TAFA5: variants seen among roughly 807,000 people sequenced by gnomAD.
The protein encoded by TAFA5 is TAFA chemokine like family member 5.
Under a neutral mutation model 15.3 loss-of-function variants are expected in TAFA5, and 6 were observed. The ratio of observed to expected loss-of-function variants is 0.39; its 90% CI spans 0.21 to 0.77. The LOEUF is 0.77. Among genes scored for constraint, TAFA5 ranks in the 30% least tolerant of loss-of-function variants. The pLI is 0.41. For missense variants in TAFA5, 161 were observed against 193.1 expected, an observed-to-expected ratio of 0.83 and a Z score of 0.98; for synonymous variants, 103 against 80.7, an observed-to-expected ratio of 1.28 and a Z score of -1.48.
intron 1 of TAFA5, among the ~76,000 whole-genome samples, chr22:48,499,929 C>T (rs1920943464): frequency 6.6e-6 from 1 of 152,268 alleles, no homozygotes; most frequent in African/African-American, 2.4e-5. Context: ...ACCCGTGAGT[C>T]TGCCTGCAGC....
chr22:48,504,485 C>T (rs185160695), intron 1 of TAFA5, among the ~76,000 whole-genome samples: 8 of 152,218 alleles, frequency 5.3e-5, no homozygotes, highest in Non-Finnish European at 5.9e-5. Context: ...ACATTCTTTT[C>T]CTCCTGGGCA....
chr22:48,541,944 G>C (rs566594043), intron 1 of TAFA5, among the ~76,000 whole-genome samples: 1 of 152,306 alleles, frequency 6.6e-6, no homozygotes, highest in South Asian at 2.1e-4. Context: ...AGTGGAAGGA[G>C]CTCCAGGACG....
rs891477784 is a variant in TAFA5, at chr22:48,749,988, C to T, written c.*141C>T. On this transcript the variant is annotated 3_prime_UTR_variant, in exon 4 of 4. Coordinates refer to ENST00000402357, the MANE Select transcript of TAFA5 (RefSeq NM_001082967.3). ...CCGTTTCCCTGTGGTCCGTGAAGGA[C>T]GGCCTCAGGCCTTGGCATCCTGAGC... 11 of 829,116 alleles carry T rather than the reference C, an allele frequency of 1.3e-5. No homozygotes were observed. Among genetic ancestry groups the T allele is most frequent in the South Asian group, 6.3e-5 (4 of 63,570 alleles). 51.4% of individuals were successfully genotyped at this position (829,116 alleles called of 1,614,324 possible).
At chr22:48,592,377 G>A (rs1048298907) in intron 1 of TAFA5, among the ~76,000 whole-genome samples, 2 of 152,226 alleles carry the variant, frequency 1.3e-5, no homozygotes, top group Admixed American at 1.3e-4. Context: ...TGCCCTGCAC[G>A]CAGGATAAGC....
chr22:48,603,431 T>G (rs991415999), intron 1 of TAFA5, among the ~76,000 whole-genome samples: 1 of 152,190 alleles, frequency 6.6e-6, no homozygotes, highest in African/African-American at 2.4e-5. Context: ...CTGGGGACAG[T>G]GGTGCCGGGT....
intron 2 of TAFA5, among the ~76,000 whole-genome samples, chr22:48,670,261 T>C (rs893123149): frequency 3.3e-5 from 5 of 152,242 alleles, no homozygotes; most frequent in African/African-American, 9.6e-5. Flanking sequence ...GGTAAATAAT[T>C]GCAGTATTGG....
At chr22:48,746,191 G>A (rs1930323254) in intron 3 of TAFA5, among the ~76,000 whole-genome samples, 1 of 152,052 alleles carries the variant, frequency 6.6e-6, no homozygotes, top group Non-Finnish European at 1.5e-5. Context: ...GCCCTTCTCG[G>A]TGTTGTCTTT....
At chr22:48,696,164 A>G (rs1466357737) in intron 2 of TAFA5, among the ~76,000 whole-genome samples, 1 of 151,934 alleles carries the variant, frequency 6.6e-6, no homozygotes, top group Non-Finnish European at 1.5e-5. Flanking sequence ...CCACCCTCAG[A>G]CCCCTGCACA....
intron 3 of TAFA5, among the ~76,000 whole-genome samples, chr22:48,713,113 G>A (rs752199702): frequency 2.6e-5 from 4 of 152,200 alleles, no homozygotes; most frequent in African/African-American, 9.6e-5. Flanking sequence ...TTGCACATTC[G>A]CTATTGAGTA....
Position 48,707,956 on chromosome 22 carries a change from T to G in TAFA5, c.390+112T>G, listed in dbSNP as rs893251143. 20 of 1,406,428 alleles carry G rather than the reference T, an allele frequency of 1.4e-5. No individual in the cohort carries two copies. The African/African-American group carries it at 1.8e-4, about 13-fold the overall frequency. 87.1% of individuals were successfully genotyped at this position (1,406,428 alleles called of 1,614,324 possible). A position where few individuals can be genotyped will look rare whatever the true frequency, so the allele number is the denominator to read the frequency against. On this transcript the variant is annotated intron_variant, in intron 3 of 3. Coordinates refer to ENST00000402357, the MANE Select transcript of TAFA5 (RefSeq NM_001082967.3). ...CAGGTGGCAGCTGCTCACTCCATCC[T>G]CATGCAGAGAGGCCAGGGCCCTGTC... is the stretch of plus-strand genomic sequence containing the variant.
At chr22:48,604,136 A>G (rs1569043580) in intron 1 of TAFA5, among the ~76,000 whole-genome samples, 1 of 152,218 alleles carries the variant, frequency 6.6e-6, no homozygotes. Context: ...AAGGGATTGC[A>G]GCTCAGAAAG....
chr22:48,555,480 A>C (rs112543430), intron 1 of TAFA5, among the ~76,000 whole-genome samples: 3 of 152,156 alleles, frequency 2.0e-5, no homozygotes, highest in Admixed American at 6.5e-5. Context: ...CCTGACTCTC[A>C]CTCTGACAAC....
chr22:48,649,123 G>C (rs902685137), intron 2 of TAFA5, among the ~76,000 whole-genome samples: 1 of 152,172 alleles, frequency 6.6e-6, no homozygotes, highest in Non-Finnish European at 1.5e-5. Context: ...AAGGGGCCGC[G>C]GGCTCTTGGC....
chr22:48,516,444 C>T (rs1387529913), intron 1 of TAFA5, among the ~76,000 whole-genome samples: 2 of 152,134 alleles, frequency 1.3e-5, no homozygotes, highest in Non-Finnish European at 2.9e-5. Context: ...GTGCAGACAT[C>T]ATCACCATCG....
intron 1 of TAFA5, among the ~76,000 whole-genome samples, chr22:48,602,401 T>G (rs919959835): frequency 2.6e-5 from 4 of 152,164 alleles, no homozygotes; most frequent in East Asian, 1.9e-4. Context: ...ACTGAGGCAT[T>G]GTGAGAATGG....
intron 1 of TAFA5, among the ~76,000 whole-genome samples, chr22:48,523,121 C>T (rs1396453859): frequency 6.6e-6 from 1 of 152,206 alleles, no homozygotes; most frequent in Non-Finnish European, 1.5e-5. Context: ...TCAAGGCTTC[C>T]AGCTCACGGG....
intron 1 of TAFA5, among the ~76,000 whole-genome samples, chr22:48,642,907 A>C (rs1926735386): frequency 1.3e-5 from 2 of 152,088 alleles, no homozygotes; most frequent in African/African-American, 2.4e-5. Flanking sequence ...TCCACTCTAG[A>C]GCTCCACACA....
At chr22:48,647,573 G>A (rs920254633) in intron 2 of TAFA5, among the ~76,000 whole-genome samples, 2 of 152,138 alleles carry the variant, frequency 1.3e-5, no homozygotes, top group African/African-American at 2.4e-5. Context: ...AGTGTGTCCC[G>A]GGAAGGCATC....
At chr22:48,745,564 C>T (rs990913296) in intron 3 of TAFA5, among the ~76,000 whole-genome samples, 1 of 152,236 alleles carries the variant, frequency 6.6e-6, no homozygotes, top group African/African-American at 2.4e-5. Context: ...TCACCCTGAG[C>T]ACACACATGA....
Sources: gnomAD v4.1 joint callset for allele counts (sites outside exome capture counted in the v4.1 genomes callset) on GRCh38, gnomAD v4.1.1 for gene constraint, MANE v1.5 for transcripts, NCBI Gene and HGNC (gene_info 2026-07-23, HGNC 2026-07-21) for gene names.